The following ARL10 variants were observed in gnomAD, a reference collection of about 807,000 sequenced individuals.
ARL10 encodes ADP-ribosylation factor-like protein 10.
In ARL10, 23 loss-of-function variants were observed where a neutral mutation model predicts 26.1. That is an observed-to-expected ratio of 0.88 (90% CI 0.63 to 1.25). The LOEUF is 1.25. Ranked by LOEUF, ARL10 falls within the 50% of genes most tolerant of loss-of-function variation. The pLI is 0.00. For missense variants in ARL10, 300 were observed against 323.6 expected, an observed-to-expected ratio of 0.93 and a Z score of 0.56; for synonymous variants, 138 against 149.1, an observed-to-expected ratio of 0.93 and a Z score of 0.54.
downstream of ARL10, chr5:176,384,514 C>T (rs560494742): frequency 2.4e-4 from 196 of 804,436 alleles, 1 homozygote; most frequent in South Asian, 3.2e-3. Flanking sequence ...GCACCGGGCA[C>T]AGTGGCTCAT....
chr5:176,399,003 C>T (rs181056735), intron 1 of ARL10, among the ~76,000 whole-genome samples: 27 of 152,022 alleles, frequency 1.8e-4, no homozygotes, highest in East Asian at 5.9e-4. Flanking sequence ...TCACGACACC[C>T]GGCTAATTTT....
chr5:176,405,489 C>CAAAAAAAAAAAAAAAAAAA (rs988554368), downstream of ARL10: 4 of 52,210 alleles, frequency 7.7e-5, no homozygotes, highest in Non-Finnish European at 1.1e-4. Flanking sequence ...CCCTGTCTCT[C>CAAAAAAAAAAAAAAAAAAA]AAAAAAAAAA....
chr5:176,398,140 C>G, intron 1 of ARL10: 1 of 1,173,500 alleles, frequency 8.5e-7, no homozygotes, highest in Non-Finnish European at 1.3e-6. Flanking sequence ...GTCTGGATAA[C>G]TCAGCCTCAA....
At position 176,371,267 on chromosome 5, in the gene ARL10, A is replaced by C. The variant is rs149237146; in HGVS notation, c.562-455A>C. The stretch of plus-strand genomic sequence containing the variant: ...GCTCACACCTGTAGTCCCAGCTACT[A>C]GGGAGGCTGAAGCAGGAGAATCGCT... On this transcript the variant is annotated intron_variant, in intron 3 of 3. Coordinates refer to ENST00000310389, the MANE Select transcript of ARL10 (RefSeq NM_173664.6). Among the ~76,000 whole-genome samples, 583 of 152,218 alleles carry C rather than the reference A, an allele frequency of 3.8e-3. 4 individuals are homozygous for C. The highest frequency in any genetic ancestry group is 0.013 in the African/African-American group (520 of 41,530).
the ARL10 span, among the ~76,000 whole-genome samples, chr5:176,408,467 C>T: frequency 6.7e-6 from 1 of 149,032 alleles, no homozygotes; most frequent in Non-Finnish European, 1.5e-5. Context: ...ACTCAGGAGG[C>T]GGAGGCTGCA....
rs1346376850 is a variant in ARL10 at position 176,375,303 on chromosome 5, T to TCCAC, written c.*3411_*3412insCCCA. 4 of 52,730 alleles carry TCCAC rather than the reference T, an allele frequency of 7.6e-5. No individual in the cohort carries two copies. Among genetic ancestry groups the TCCAC allele is most frequent in the Non-Finnish European group, 1.3e-4 (3 of 22,312 alleles). The allele number at this position is 52,730 out of a possible 1,614,324, so 3.3% of individuals were successfully genotyped here. On this transcript the variant is annotated 3_prime_UTR_variant, in exon 4 of 4. Coordinates refer to ENST00000310389, the MANE Select transcript of ARL10 (RefSeq NM_173664.6). ...ATCCATCCACCCATCCATCCATCCA[T>TCCAC]CCATCCATCCATCCATCCATCCATC... is the stretch of plus-strand genomic sequence containing the variant.
Position 176,372,171 on chromosome 5 carries a change from T to C in ARL10, c.*276T>C. ...GCTGGAATGTGGATCCAGCTTTCCC[T>C]TCTCTTACCTGTACAGTGAGATGCT... On this transcript the variant is annotated 3_prime_UTR_variant, in exon 4 of 4. Transcript: ENST00000310389. 1 of 1,085,924 alleles carries C rather than the reference T, an allele frequency of 9.2e-7. No homozygotes were observed. Among genetic ancestry groups the C allele is most frequent in the Admixed American group, 3.4e-5 (1 of 29,256 alleles). The allele number at this position is 1,085,924 out of a possible 1,614,324, so 67.3% of individuals were successfully genotyped here.
chr5:176,370,117 T>C (rs1228703642), intron 3 of ARL10, among the ~76,000 whole-genome samples: 1 of 152,232 alleles, frequency 6.6e-6, no homozygotes, highest in African/African-American at 2.4e-5. Flanking sequence ...ACATTTATTG[T>C]GTGCTTACGG....
chr5:176,365,538 C>T lies in ARL10; in HGVS notation c.-26C>T, dbSNP rs982884993. On this transcript the variant is annotated 5_prime_UTR_variant, in exon 1 of 4. Transcript: ENST00000310389. ...GCGAGTGGGCTCGGCCTGTGCAACC[C>T]GCACCTGCGTCCCTCGCCCGGCCCG... 25 of 1,223,942 alleles carry T rather than the reference C, an allele frequency of 2.0e-5. No individual in the cohort carries two copies. The highest frequency in any genetic ancestry group is 2.3e-5 in the Non-Finnish European group (23 of 983,108). 75.8% of individuals were successfully genotyped at this position (1,223,942 alleles called of 1,614,324 possible).
At position 176,393,855 on chromosome 5, in the gene ARL10, TAGGTG is replaced by T. The variant is rs1756367735; in HGVS notation, c.134-7882_134-7878del. 6.6e-6 allele frequency among the ~76,000 whole-genome samples: 1 copy of T among 152,172 alleles called. No homozygotes were observed. Among genetic ancestry groups the T allele is most frequent in the South Asian group, 2.1e-4 (1 of 4,826 alleles). On this transcript the variant is annotated intron_variant, in intron 1 of 1. Transcript: ENST00000514533. This position sits in a 1 kb window ranked among gnomAD's most constrained non-coding sequence, Gnocchi z 4.4. ...TAACAGAAAGACAATAAGGGATTCT[TAGGTG>T]AGGAGAGCTGGGTCTATGTCCTGTT... is the stretch of plus-strand genomic sequence containing the variant.
chr5:176,367,002 C>CTTTTTTTTTTT (rs67066126), intron 2 of ARL10, among the ~76,000 whole-genome samples: 2 of 106,536 alleles, frequency 1.9e-5, no homozygotes, highest in African/African-American at 4.0e-5. Flanking sequence ...CCTTTCTAGT[C>CTTTTTTTTTTT]TTTTTTTTTT....
the ARL10 span, among the ~76,000 whole-genome samples, chr5:176,406,989 A>G: frequency 1.3e-5 from 2 of 151,954 alleles, no homozygotes; most frequent in Admixed American, 6.6e-5. Flanking sequence ...CTCATCTGTG[A>G]CCCTGCCCTG....
At chr5:176,391,606 T>A (rs142503406), downstream of ARL10, among the ~76,000 whole-genome samples, 4 of 152,166 alleles carry the variant, frequency 2.6e-5, no homozygotes, top group Admixed American at 6.5e-5. Flanking sequence ...AGCGAGACCC[T>A]GTTTGAGAAA....
chr5:176,389,510 G>T, downstream of ARL10: 1 of 1,602,296 alleles, frequency 6.2e-7, no homozygotes, highest in Non-Finnish European at 8.5e-7. Flanking sequence ...CCAGGGTCTG[G>T]CCTTGAAAGC....
downstream of ARL10, chr5:176,392,706 A>G: frequency 6.4e-7 from 1 of 1,571,014 alleles, no homozygotes; most frequent in South Asian, 1.1e-5. This position sits in a 1 kb window ranked among gnomAD's most constrained non-coding sequence, Gnocchi z 5.2. Flanking sequence ...CTCCACCCCG[A>G]CCAAAGCAGC....
downstream of ARL10, chr5:176,385,008 T>G: frequency 1.7e-6 from 1 of 581,128 alleles, no homozygotes; most frequent in East Asian, 2.8e-5. Flanking sequence ...AACATTTATC[T>G]GTGAGTGAGA....
downstream of ARL10, among the ~76,000 whole-genome samples, chr5:176,403,777 TGAGA>T (rs1756963084): frequency 6.6e-6 from 1 of 151,580 alleles, no homozygotes; most frequent in Non-Finnish European, 1.5e-5. Context: ...GTGTTTGTTT[TGAGA>T]CAGAGTCTCG....
rs1297455035 is a variant in ARL10, at chr5:176,377,562, G to A, written c.*5667G>A. 6.6e-6 allele frequency: 1 copy of A among 152,224 alleles called. No individual in the cohort carries two copies. The highest frequency in any genetic ancestry group is 2.4e-5 in the African/African-American group (1 of 41,452). The allele number at this position is 152,224 out of a possible 1,614,324, so 9.4% of individuals were successfully genotyped here. A position where few individuals can be genotyped will look rare whatever the true frequency, so the allele number is the denominator to read the frequency against. ...ACTTAATTGAGGGTGGCAGTTGAAT[G>A]AAGTCCATCTGTAAGCGTTCAAATG... is the stretch of plus-strand genomic sequence containing the variant. On this transcript the variant is annotated 3_prime_UTR_variant, in exon 4 of 4. Transcript: ENST00000310389. The surrounding 1 kb of genome is among the most constrained non-coding windows in gnomAD (Gnocchi z 4.5).
At chr5:176,385,400 C>T (rs1014861789), downstream of ARL10, 1 of 893,268 alleles carries the variant, frequency 1.1e-6, no homozygotes, top group Non-Finnish European at 1.9e-6. Context: ...TGTCCAATCA[C>T]CCCTTCACCC....
Sources: allele counts gnomAD v4.1 joint callset (sites outside exome capture counted in the v4.1 genomes callset), GRCh38; gene constraint gnomAD v4.1.1; non-coding constraint Gnocchi (gnomAD v3.1); transcripts MANE v1.5; gene names NCBI Gene and HGNC (gene_info 2026-07-23, HGNC 2026-07-21).